MAD1L1: variants seen among roughly 807,000 people sequenced by gnomAD.
The protein encoded by MAD1L1 is mitotic arrest deficient 1 like 1, also known as mitotic spindle assembly checkpoint protein MAD1.
Under a neutral mutation model 96.9 loss-of-function variants are expected in MAD1L1, and 95 were observed. The observed-to-expected ratio is 0.98, with a 90% CI of 0.83 to 1.16. MAD1L1 has a LOEUF of 1.16. Among genes scored for constraint, MAD1L1 ranks in the 50% most tolerant of loss-of-function variants. MAD1L1 has a pLI of 0.00. For synonymous variants in MAD1L1, 473 were observed against 396.6 expected (o/e 1.19, Z -2.29); for missense variants, 1,007 against 954.4 (o/e 1.06, Z -0.73).
intron 18 of MAD1L1, among the ~76,000 whole-genome samples, chr7:1,867,350 C>CA (rs59763561): frequency 6.6e-6 from 1 of 152,106 alleles, no homozygotes; most frequent in Admixed American, 6.5e-5. Flanking sequence ...AGGACCCCCC[C>CA]GGAAGATGTA....
At chr7:2,130,093 C>A (rs1419263156) in intron 11 of MAD1L1, among the ~76,000 whole-genome samples, 1 of 152,264 alleles carries the variant, frequency 6.6e-6, no homozygotes, top group Non-Finnish European at 1.5e-5. Flanking sequence ...CGATGCGCCT[C>A]ACTGCATCAA....
Position 1,950,726 on chromosome 7 carries a change from G to A in MAD1L1, c.1596+6903C>T, listed in dbSNP as rs892603077. Among the ~76,000 whole-genome samples, 6 of 152,220 alleles carry A rather than the reference G, an allele frequency of 3.9e-5. No homozygotes were observed. The East Asian group carries it at 9.6e-4, about 24-fold the overall frequency. The stretch of plus-strand genomic sequence containing the variant: ...GTGAGCAGCTGCAGGCCCACAGGGG[G>A]AGGGTGCTCTAGTGGGGCCGTTGGC... On this transcript the variant is annotated intron_variant, in intron 16 of 18. Transcript: ENST00000265854.
intron 14 of MAD1L1, among the ~76,000 whole-genome samples, chr7:1,994,533 G>A (rs771641116): frequency 2.6e-5 from 4 of 152,170 alleles, no homozygotes; most frequent in Non-Finnish European, 4.4e-5. Context: ...GGCAGTGAGC[G>A]CCCACCGGGT....
At chr7:2,033,586 C>T (rs550699864) in intron 12 of MAD1L1, among the ~76,000 whole-genome samples, 1 of 152,326 alleles carries the variant, frequency 6.6e-6, no homozygotes, top group East Asian at 1.9e-4. Flanking sequence ...TGGGAAAAAT[C>T]AACAATCAAC....
chr7:1,963,403 G>A (rs1052026455), intron 15 of MAD1L1, among the ~76,000 whole-genome samples: 3 of 152,310 alleles, frequency 2.0e-5, no homozygotes, highest in Admixed American at 1.3e-4. Flanking sequence ...TGGAAAGCAC[G>A]TCGGCGGGTT....
chr7:2,053,240 G>GT (rs1784259474), intron 12 of MAD1L1, among the ~76,000 whole-genome samples: 1 of 152,196 alleles, frequency 6.6e-6, no homozygotes, highest in African/African-American at 2.4e-5. Context: ...CTGAAAACCG[G>GT]TGAGTTTGGG....
intron 13 of MAD1L1, among the ~76,000 whole-genome samples, chr7:2,010,769 G>A (rs1782262700): frequency 6.6e-6 from 1 of 152,202 alleles, no homozygotes; most frequent in Non-Finnish European, 1.5e-5. Context: ...ACTACCCCGA[G>A]CCCACCTGGC....
chr7:2,217,723 T>C lies in MAD1L1; in HGVS notation c.678+239A>G, dbSNP rs559005195. On this transcript the variant is annotated intron_variant, in intron 7 of 18. Transcript: ENST00000265854. ...TTGACGTCATCACACACACGGACAT[T>C]TTCTCTTGGTGTTTGTGGTCAGTCT... Among the ~76,000 whole-genome samples the C allele has an allele frequency of 2.6e-5, 4 of 152,250 alleles. No homozygotes were observed. The South Asian group carries it at 8.3e-4, about 32-fold the overall frequency.
At chr7:2,133,647 G>A (rs745767592) in intron 11 of MAD1L1, among the ~76,000 whole-genome samples, 6 of 152,120 alleles carry the variant, frequency 3.9e-5, no homozygotes, top group Non-Finnish European at 4.4e-5. Flanking sequence ...AGATATTTCC[G>A]CCGCTATCTT....
At chr7:2,000,084 G>A (rs769062335) in intron 14 of MAD1L1, among the ~76,000 whole-genome samples, 4 of 151,556 alleles carry the variant, frequency 2.6e-5, no homozygotes, top group Admixed American at 6.6e-5. Flanking sequence ...CCAGGGCACC[G>A]ACTCAAAGCC....
chr7:2,047,307 C>A (rs751352654), intron 12 of MAD1L1, among the ~76,000 whole-genome samples: 1 of 152,200 alleles, frequency 6.6e-6, no homozygotes, highest in Non-Finnish European at 1.5e-5. Flanking sequence ...ACCCTGGGGG[C>A]CTGTCTGCAG....
intron 18 of MAD1L1, among the ~76,000 whole-genome samples, chr7:1,888,835 G>A (rs1786354735): frequency 6.6e-6 from 1 of 152,228 alleles, no homozygotes; most frequent in Admixed American, 6.5e-5. Flanking sequence ...ATGTATTTGT[G>A]TCCATGTGTC....
intron 10 of MAD1L1, among the ~76,000 whole-genome samples, chr7:2,169,927 T>TCGGAGCAGGAGC (rs1790632960): frequency 7.6e-6 from 1 of 131,732 alleles, no homozygotes; most frequent in African/African-American, 2.7e-5. Flanking sequence ...CCGGGGGCAC[T>TCGGAGCAGGAGC]TGGAGCAGGG....
At chr7:1,931,450 G>A (rs1583827917) in intron 17 of MAD1L1, among the ~76,000 whole-genome samples, 2 of 152,234 alleles carry the variant, frequency 1.3e-5, no homozygotes, top group African/African-American at 4.8e-5. Flanking sequence ...TGTGGGGTGT[G>A]TCAGGGAACA....
chr7:1,979,862 G>A (rs533647268), intron 15 of MAD1L1, among the ~76,000 whole-genome samples: 25 of 152,332 alleles, frequency 1.6e-4, no homozygotes, highest in East Asian at 1.5e-3. Flanking sequence ...CTCCAGCGCC[G>A]CCCCCTGATG....
chr7:1,891,194 A>G (rs1786516379), intron 18 of MAD1L1, among the ~76,000 whole-genome samples: 1 of 152,256 alleles, frequency 6.6e-6, no homozygotes, highest in Non-Finnish European at 1.5e-5. Context: ...CTATAGCTGT[A>G]GGATGTGCTT....
intron 16 of MAD1L1, among the ~76,000 whole-genome samples, chr7:1,945,547 G>C (rs967907191): frequency 3.3e-5 from 5 of 152,180 alleles, no homozygotes; most frequent in African/African-American, 9.7e-5. Context: ...AGAAGCAGAG[G>C]GTGTGGGAGA....
intron 12 of MAD1L1, among the ~76,000 whole-genome samples, chr7:2,052,665 CA>C (rs1784234427): frequency 6.6e-6 from 1 of 152,208 alleles, no homozygotes; most frequent in Non-Finnish European, 1.5e-5. Flanking sequence ...CCTTTTTAAA[CA>C]AATATGCACG....
chr7:1,979,588 C>A (rs918216111), intron 15 of MAD1L1, among the ~76,000 whole-genome samples: 1 of 152,232 alleles, frequency 6.6e-6, no homozygotes, highest in Non-Finnish European at 1.5e-5. Context: ...GATGGGTCCA[C>A]AAGGCGGGGG....
Sources: allele counts gnomAD v4.1 joint callset (sites outside exome capture counted in the v4.1 genomes callset), GRCh38; gene constraint gnomAD v4.1.1; transcripts MANE v1.5; gene names NCBI Gene and HGNC (gene_info 2026-07-23, HGNC 2026-07-21).